CROCC2: variants seen among roughly 807,000 people sequenced by gnomAD.
CROCC2 encodes ciliary rootlet coiled-coil protein 2.
Under a neutral mutation model 177.6 loss-of-function variants are expected in CROCC2, and 163 were observed. The observed-to-expected ratio is 0.92, with a 90% CI of 0.81 to 1.05. The LOEUF (loss-of-function observed/expected upper bound fraction) is 1.05. CROCC2 is among the 50% of genes least tolerant of loss of function. The probability of loss-of-function intolerance (pLI) is 0.00; values close to 1 mark genes in which losing one functional copy is unlikely to be tolerated. For synonymous variants in CROCC2, 904 were observed against 787.3 expected (o/e 1.15, Z -2.48); for missense variants, 1,929 against 1,797.8 (o/e 1.07, Z -1.32).
chr2:240,957,388 G>A (rs1410305412), intron 19 of CROCC2: 2 of 152,326 alleles, frequency 1.3e-5, no homozygotes, highest in African/African-American at 4.8e-5. Flanking sequence ...GTATGGTTCA[G>A]TGTGCAGTGA....
chr2:240,958,373 A>AG lies in CROCC2; in HGVS notation c.2944-923dup, dbSNP rs1057279212. Among the ~76,000 whole-genome samples, 7 of 152,134 alleles carry AG rather than the reference A, an allele frequency of 4.6e-5. No homozygotes were observed. Among genetic ancestry groups the AG allele is most frequent in the Admixed American group, 2.0e-4 (3 of 15,288 alleles). ...GCCCTTCTCAGTCCAGAGAGACCAG[A>AG]GGGGGTTGTAAAGAATGACGACAGG... On this transcript the variant is annotated intron_variant, in intron 19 of 31. Transcript: ENST00000690015. This position sits in a 1 kb window ranked among gnomAD's most constrained non-coding sequence, Gnocchi z 6.7.
chr2:240,911,407 C>T (rs571523670), intron 1 of CROCC2, among the ~76,000 whole-genome samples: 8 of 151,020 alleles, frequency 5.3e-5, no homozygotes, highest in Admixed American at 4.0e-4. Flanking sequence ...AAGCAATTCT[C>T]GTGCTTTAGC....
At chr2:240,991,333 CA>C in intron 31 of CROCC2, 55 bp downstream of exon 31, 1 of 1,475,148 alleles carries the variant, frequency 6.8e-7, no homozygotes, top group Non-Finnish European at 9.1e-7. Context: ...CCTGACTGGC[CA>C]GGGGCAGGCG....
At chr2:240,991,992 T>C (rs1456225596) in intron 31 of CROCC2, among the ~76,000 whole-genome samples, 5 of 152,196 alleles carry the variant, frequency 3.3e-5, no homozygotes, top group Non-Finnish European at 5.9e-5. Flanking sequence ...CGTGACTCAC[T>C]GGCCGCCAGA....
At position 240,940,214 on chromosome 2, in the gene CROCC2, T is replaced by C. The variant is rs114351423; in HGVS notation, c.2169+4626T>C. ...TCTTCCACTAGATCTCCCCTTAGTT[T>C]CTTCCACAGCCAATTTTTGCTTCAT... is the stretch of plus-strand genomic sequence containing the variant. On this transcript the variant is annotated intron_variant, in intron 14 of 31. Coordinates refer to ENST00000690015, the MANE Select transcript of CROCC2 (RefSeq NM_001351305.2). Among the ~76,000 whole-genome samples the C allele has an allele frequency of 5.6e-3, 854 of 152,318 alleles. 7 individuals are homozygous for C. Among genetic ancestry groups the C allele is most frequent in the African/African-American group, 0.02 (828 of 41,586 alleles).
At chr2:240,945,421 C>G (rs1473314460) in intron 14 of CROCC2, among the ~76,000 whole-genome samples, 1 of 152,194 alleles carries the variant, frequency 6.6e-6, no homozygotes, top group African/African-American at 2.4e-5. Flanking sequence ...TTATCAGAGC[C>G]TCTCTGTTTT....
intron 30 of CROCC2, among the ~76,000 whole-genome samples, chr2:240,990,497 G>A (rs181156272): frequency 1.2e-4 from 19 of 152,300 alleles, no homozygotes; most frequent in Admixed American, 8.5e-4. Context: ...CCAAGTTAGG[G>A]TCCCCAACCA....
chr2:240,949,591 C>G lies in CROCC2; in HGVS notation c.2541C>G (p.Asp847Glu). The G allele has an allele frequency of 1.3e-6, 2 of 1,550,566 alleles. No individual in the cohort carries two copies. The highest frequency in any genetic ancestry group is 1.7e-6 in the Non-Finnish European group (2 of 1,146,968). Residue 847 changes from aspartate (D) to glutamate (E), a missense_variant, in exon 17 of 32, where the codon GAC becomes GAG. By Grantham distance (45) the Asp-to-Glu change is conservative. Around this residue, in one of 3 missense-constraint regions of CROCC2, gnomAD observed 1,397 missense variants for 1,239.9 expected, o/e 1.13. Coordinates refer to ENST00000690015, the MANE Select transcript of CROCC2 (RefSeq NM_001351305.2). The surrounding 1 kb of genome is among the most constrained non-coding windows in gnomAD (Gnocchi z 4.5). ...WEVQEMKLRQ[D>E]TVRLQRQVAQ... is the part of the protein sequence containing the mutation. Reference sequence around the variant, plus strand: ...TCCAGGAAATGAAGCTGCGGCAGGACACGGTGCGGCTCCAGCGACAGGTGG... The same window carrying G: ...TCCAGGAAATGAAGCTGCGGCAGGAGACGGTGCGGCTCCAGCGACAGGTGG...
Position 240,918,250 on chromosome 2 carries a change from A to G in CROCC2, c.79-476A>G, listed in dbSNP as rs894663560. On this transcript the variant is annotated intron_variant, in intron 1 of 31. Transcript: ENST00000690015. This position sits in a 1 kb window ranked among gnomAD's most constrained non-coding sequence, Gnocchi z 6.3. Reference sequence around the variant, plus strand: ...CCCCCACCCCCCAACAAACACACACAAACACACTGGGCTCTGTGACTGCTG... The same window carrying G: ...CCCCCACCCCCCAACAAACACACACGAACACACTGGGCTCTGTGACTGCTG... 3.3e-5 allele frequency among the ~76,000 whole-genome samples: 5 copies of G among 151,860 alleles called. No individual in the cohort carries two copies. Among genetic ancestry groups the G allele is most frequent in the Non-Finnish European group, 5.9e-5 (4 of 67,940 alleles).
chr2:240,934,499 C>A, intron 12 of CROCC2, 24 bp downstream of exon 12: 1 of 1,541,148 alleles, frequency 6.5e-7, no homozygotes, highest in Non-Finnish European at 8.7e-7. Context: ...CCCACAACCC[C>A]GCCCCCTCTC....
rs563490667 is a variant in CROCC2, at chr2:240,934,391, G to A, written c.1707G>A (p.Ser569=). ...CCGGGCTCAGAGAGGAGCTGGCATC[G>A]GTCCGGGAGGCACTGAGCACAGCAC... The part of the protein sequence containing the change: ...KVSGLREELA[S]VREALSTAQL... The change falls in exon 12 of 32, where the codon TCG becomes TCA. Residue 569 remains serine (S), a synonymous_variant. Transcript: ENST00000690015. 21 of 1,548,768 alleles carry A rather than the reference G, an allele frequency of 1.4e-5. No individual in the cohort carries two copies. Among genetic ancestry groups the A allele is most frequent in the Middle Eastern group, 2.2e-4 (1 of 4,554 alleles).
chr2:240,907,762 C>T (rs2059265855), intron 1 of CROCC2, among the ~76,000 whole-genome samples: 1 of 148,724 alleles, frequency 6.7e-6, no homozygotes, highest in Non-Finnish European at 1.5e-5. Flanking sequence ...TCTACCTCCT[C>T]CACCTGGCGT....
Position 240,958,156 on chromosome 2 carries a change from G to A in CROCC2, c.2944-1145G>A. On this transcript the variant is annotated intron_variant, in intron 19 of 31. Transcript: ENST00000690015. This position sits in a 1 kb window ranked among gnomAD's most constrained non-coding sequence, Gnocchi z 6.7. Reference sequence around the variant, plus strand: ...GCGGGAGGAGAGGAATGCCGGCCAAGGAGCACCAGGCGCCAGATGACAGGA... The same window carrying A: ...GCGGGAGGAGAGGAATGCCGGCCAAAGAGCACCAGGCGCCAGATGACAGGA... 2.0e-6 allele frequency: 2 copies of A among 985,418 alleles called. No individual in the cohort carries two copies. The highest frequency in any genetic ancestry group is 2.4e-6 in the Non-Finnish European group (2 of 829,914). The allele number at this position is 985,418 out of a possible 1,614,324, so 61.0% of individuals were successfully genotyped here.
chr2:240,941,627 A>T (rs896176221), intron 14 of CROCC2, among the ~76,000 whole-genome samples: 4 of 152,246 alleles, frequency 2.6e-5, no homozygotes, highest in African/African-American at 7.2e-5. Context: ...GTCAAGCCAC[A>T]TGTAGAAGAA....
chr2:240,933,545 T>C, intron 10 of CROCC2, 125 bp from the exon 11 acceptor site: 1 of 1,225,228 alleles, frequency 8.2e-7, no homozygotes, highest in Non-Finnish European at 1.1e-6. Flanking sequence ...TGTCTGCTTC[T>C]CAGGCTCCCT....
intron 15 of CROCC2, among the ~76,000 whole-genome samples, chr2:240,947,407 A>T (rs1574768590): frequency 6.6e-6 from 1 of 151,786 alleles, no homozygotes; most frequent in Non-Finnish European, 1.5e-5. Context: ...AGCTGCCCCT[A>T]CCTCAGCCCT....
rs375963873 is a variant in CROCC2 at position 240,946,331 on chromosome 2, G to A, written c.2363+78G>A. ...GAGTCTGCAGTGTGGCAGGGTATGG[G>A]GACAATCGCACCATGACATAGGACT... On this transcript the variant is annotated intron_variant, in intron 15 of 31. Coordinates refer to ENST00000690015, the MANE Select transcript of CROCC2 (RefSeq NM_001351305.2). 2.1e-5 allele frequency: 29 copies of A among 1,352,686 alleles called. No homozygotes were observed. In the East Asian group the frequency reaches 5.4e-4, roughly 25 times the overall value. The allele number at this position is 1,352,686 out of a possible 1,614,324, so 83.8% of individuals were successfully genotyped here.
intron 1 of CROCC2, among the ~76,000 whole-genome samples, chr2:240,909,980 C>T (rs888567044): frequency 1.6e-4 from 25 of 152,110 alleles, no homozygotes; most frequent in Middle Eastern, 3.2e-3. Flanking sequence ...GGACGGATGG[C>T]GAACATGCTC....
At chr2:240,927,938 A>G (rs2059404404) in intron 5 of CROCC2, among the ~76,000 whole-genome samples, 1 of 152,196 alleles carries the variant, frequency 6.6e-6, no homozygotes, top group African/African-American at 2.4e-5. Context: ...GGCATGAGCC[A>G]CCTCGCCTGG....
Sources: gnomAD v4.1 joint callset for allele counts (sites outside exome capture counted in the v4.1 genomes callset) on GRCh38, gnomAD v4.1.1 for gene constraint, gnomAD v4.1.1 regional missense constraint, Gnocchi (gnomAD v3.1) non-coding constraint, MANE v1.5 for transcripts, NCBI Gene and HGNC (gene_info 2026-07-23, HGNC 2026-07-21) for gene names.